Variants in SCN1A observed in about 807,000 individuals in gnomAD.
SCN1A encodes the protein sodium channel protein type 1 subunit alpha.
Under a neutral mutation model 193.7 loss-of-function variants are expected in SCN1A, and 13 were observed. That is an observed-to-expected ratio of 0.07 (90% confidence interval 0.04 to 0.11). The LOEUF (loss-of-function observed/expected upper bound fraction) is 0.11, where lower values mean the gene tolerates loss of function less well. Among genes scored for constraint, SCN1A ranks in the 10% least tolerant of loss-of-function variants. The pLI, the probability that SCN1A is intolerant of heterozygous loss-of-function variation, is 1.00. For synonymous variants in SCN1A, 781 were observed against 843.6 expected (o/e 0.93, Z 1.29); for missense variants, 1,432 against 2,451.1 (o/e 0.58, Z 8.78).
chr2:166,000,091 A>G (rs892397750), intron 24 of SCN1A: 5 of 349,830 alleles, frequency 1.4e-5, no homozygotes, highest in African/African-American at 2.1e-5. Context: ...CTTTTTAGAA[A>G]GTCTTACAAA....
chr2:165,999,940 C>T, intron 24 of SCN1A, 164 bp from the exon 25 acceptor site: 2 of 660,776 alleles, frequency 3.0e-6, no homozygotes, highest in Non-Finnish European at 2.7e-6. Context: ...TTTAGTATGG[C>T]TTTTCATTTC....
At chr2:166,017,856 G>T (rs1221159559) in intron 19 of SCN1A, among the ~76,000 whole-genome samples, 2 of 151,954 alleles carry the variant, frequency 1.3e-5, no homozygotes, top group Non-Finnish European at 2.9e-5. Flanking sequence ...TGCTAGGTCT[G>T]ATCCCCACAT....
At chr2:166,093,087 A>AGT (rs1553566492) in intron 2 of SCN1A, among the ~76,000 whole-genome samples, 1 of 152,004 alleles carries the variant, frequency 6.6e-6, no homozygotes, top group Non-Finnish European at 1.5e-5. Context: ...AAATGAAGTA[A>AGT]GAGTGAGTGA....
In SCN1A at chr2:166,074,525, T is replaced by C. The variant is rs900619348; in HGVS notation, c.-49-855A>G. ...GAAATTCTTGCTGATTCTATAGTCC[T>C]ATAGTGCTAACCATATTATGAAGGC... is the stretch of plus-strand genomic sequence containing the variant. On this transcript the variant is annotated intron_variant, in intron 3 of 28. Transcript: ENST00000674923. Among the ~76,000 whole-genome samples the C allele has an allele frequency of 2.0e-5, 3 of 152,202 alleles. No individual in the cohort carries two copies. The East Asian group carries it at 5.8e-4, about 29-fold the overall frequency.
intron 20 of SCN1A, 88 bp from the exon 21 acceptor site, chr2:166,013,986 C>A: frequency 4.9e-6 from 7 of 1,438,814 alleles, no homozygotes; most frequent in Non-Finnish European, 1.9e-6. Flanking sequence ...CTTTTTATTA[C>A]TATGCTCATC....
At chr2:166,090,050 T>C (rs1686621446) in intron 2 of SCN1A, among the ~76,000 whole-genome samples, 1 of 138,580 alleles carries the variant, frequency 7.2e-6, no homozygotes, top group African/African-American at 2.7e-5. Flanking sequence ...TTTTTTTTTT[T>C]TTTTTTTGAT....
At chr2:166,059,578 T>C (rs886336405) in intron 4 of SCN1A, 1 of 152,154 alleles carries the variant, frequency 6.6e-6, no homozygotes. Flanking sequence ...CTTACTTATA[T>C]TTAGACAGAG....
intron 19 of SCN1A, chr2:166,016,031 A>C: frequency 2.9e-6 from 1 of 344,314 alleles, no homozygotes; most frequent in Non-Finnish European, 5.5e-6. Flanking sequence ...GGACACAGGG[A>C]AGAGAAGAGG....
intron 9 of SCN1A, among the ~76,000 whole-genome samples, chr2:166,049,591 C>T (rs1434670927): frequency 6.6e-6 from 1 of 151,966 alleles, no homozygotes; most frequent in African/African-American, 2.4e-5. Flanking sequence ...GTGAACACTA[C>T]ATTATCTCAA....
chr2:166,072,228 C>T (rs1054782826), intron 4 of SCN1A, among the ~76,000 whole-genome samples: 3 of 151,650 alleles, frequency 2.0e-5, no homozygotes, highest in African/African-American at 7.3e-5. Flanking sequence ...TTCACAAATG[C>T]ATTGTGTCAA....
At chr2:166,050,635 A>ATATATATATATATATATATATG (rs1553548978) in intron 9 of SCN1A, among the ~76,000 whole-genome samples, 2 of 83,228 alleles carry the variant, frequency 2.4e-5, no homozygotes, top group East Asian at 5.1e-4. Context: ...ATATATATAT[A>ATATATATATATATATATATATG]TATGTGTGTA....
chr2:166,141,283 A>G (rs1189052127), intron 1 of SCN1A, among the ~76,000 whole-genome samples: 2 of 149,036 alleles, frequency 1.3e-5, no homozygotes, highest in Admixed American at 6.8e-5. Context: ...CCTCAGGCCC[A>G]GTCTGCAGTG....
At chr2:166,106,964 CTG>C (rs1278532936) in intron 2 of SCN1A, among the ~76,000 whole-genome samples, 3 of 152,106 alleles carry the variant, frequency 2.0e-5, no homozygotes, top group Non-Finnish European at 4.4e-5. Context: ...ACACTGGTAA[CTG>C]TCATGTCTTG....
chr2:166,067,296 A>G (rs1342840192), intron 4 of SCN1A, among the ~76,000 whole-genome samples: 1 of 152,102 alleles, frequency 6.6e-6, no homozygotes, highest in Non-Finnish European at 1.5e-5. Context: ...AATGAATAAT[A>G]ATAATAAATA....
chr2:166,122,615 A>G (rs760798203), intron 2 of SCN1A, among the ~76,000 whole-genome samples: 1 of 152,150 alleles, frequency 6.6e-6, no homozygotes, highest in East Asian at 1.9e-4. Flanking sequence ...TAATAAGACA[A>G]TTCACCGGGG....
chr2:166,056,029 A>G (rs1008689718), intron 6 of SCN1A, among the ~76,000 whole-genome samples: 1 of 152,106 alleles, frequency 6.6e-6, no homozygotes, highest in Admixed American at 6.6e-5. Flanking sequence ...TTGTCTTCAC[A>G]TGGCATTTGT....
chr2:166,053,130 C>G, intron 7 of SCN1A, 187 bp from the exon 8 acceptor site: 1 of 1,123,148 alleles, frequency 8.9e-7, no homozygotes, highest in Non-Finnish European at 1.4e-6. Flanking sequence ...CTGTTACAAA[C>G]CTGTAGAATT....
At chr2:166,076,010 T>G (rs2105995435) in intron 3 of SCN1A, among the ~76,000 whole-genome samples, 1 of 152,128 alleles carries the variant, frequency 6.6e-6, no homozygotes, top group Admixed American at 6.5e-5. Flanking sequence ...TCCTTCTATT[T>G]TTTTCAATCT....
At chr2:166,067,052 C>G (rs1039462276) in intron 4 of SCN1A, among the ~76,000 whole-genome samples, 1 of 151,972 alleles carries the variant, frequency 6.6e-6, no homozygotes, top group Non-Finnish European at 1.5e-5. Flanking sequence ...CCTTTTTAAC[C>G]TTCAGATCCC....
Sources: allele counts gnomAD v4.1 joint callset (sites outside exome capture counted in the v4.1 genomes callset), GRCh38; gene constraint gnomAD v4.1.1; transcripts MANE v1.5; gene names NCBI Gene and HGNC (gene_info 2026-07-23, HGNC 2026-07-21).